PARP10: variants seen among roughly 807,000 people sequenced by gnomAD.
The protein encoded by PARP10 is protein mono-ADP-ribosyltransferase PARP10.
A neutral mutation model predicts 82.4 loss-of-function variants in PARP10; 56 were observed. That is an observed-to-expected ratio of 0.68 (90% CI 0.55 to 0.85). The LOEUF (loss-of-function observed/expected upper bound fraction) is 0.85, where lower values mean the gene tolerates loss of function less well. PARP10 is among the 40% of genes least tolerant of loss of function. The pLI is 0.00. For synonymous variants in PARP10, 576 were observed against 601.1 expected (o/e 0.96, Z 0.61); for missense variants, 1,227 against 1,379.4 (o/e 0.89, Z 1.75).
chr8:143,997,700 G>A (rs1194045057), intron 1 of PARP10, among the ~76,000 whole-genome samples: 2 of 151,948 alleles, frequency 1.3e-5, no homozygotes, highest in Non-Finnish European at 2.9e-5. Context: ...TGGGACCTGA[G>A]ATCCCAACTC....
At chr8:143,993,029 G>A, upstream of PARP10, 1 of 597,006 alleles carries the variant, frequency 1.7e-6, no homozygotes, top group South Asian at 2.0e-5. Flanking sequence ...TGTGGCCACA[G>A]CATGGCCCCT....
intron 1 of PARP10, among the ~76,000 whole-genome samples, chr8:144,003,347 T>C (rs1834215204): frequency 7.1e-6 from 1 of 140,166 alleles, no homozygotes; most frequent in Non-Finnish European, 1.5e-5. Context: ...CGCTTGAGCC[T>C]GGGAGGCGAA....
upstream of PARP10, chr8:143,991,999 C>G: frequency 6.2e-7 from 1 of 1,613,804 alleles, no homozygotes; most frequent in Non-Finnish European, 8.5e-7. Flanking sequence ...GTCTCCTATG[C>G]TGTCTTCTTC....
In PARP10 at chr8:143,984,198, C is replaced by T; in HGVS notation, c.1680+12G>A. The T allele has an allele frequency of 6.2e-7, 1 of 1,607,020 alleles. No individual in the cohort carries two copies. The highest frequency in any genetic ancestry group is 8.5e-7 in the Non-Finnish European group (1 of 1,174,424). On this transcript the variant is annotated intron_variant, in intron 6 of 10. Transcript: ENST00000313028. Reference sequence around the variant, plus strand: ...GAGAAAGGGGAGGGCAGGGGTGGGACTCCATCTCTACCTCTTCAAGGCCTG... The same window carrying T: ...GAGAAAGGGGAGGGCAGGGGTGGGATTCCATCTCTACCTCTTCAAGGCCTG...
Position 144,008,571 on chromosome 8 carries a change from A to C in PARP10, c.-80+3959T>G, listed in dbSNP as rs1225274967. ...CGGGCCGGGAGGAGCGCAAACCCCGAGTGCACCCCAGGAGGTTCCTGTCAC... is the reference window on the plus strand; with the variant it reads ...CGGGCCGGGAGGAGCGCAAACCCCGCGTGCACCCCAGGAGGTTCCTGTCAC... On this transcript the variant is annotated intron_variant, in intron 1 of 3. Coordinates refer to the PARP10 transcript ENST00000530478. The surrounding 1 kb of genome is among the most constrained non-coding windows in gnomAD (Gnocchi z 4.0). 6.6e-6 allele frequency among the ~76,000 whole-genome samples: 1 copy of C among 152,130 alleles called. No homozygotes were observed. The highest frequency in any genetic ancestry group is 1.5e-5 in the Non-Finnish European group (1 of 68,018).
At chr8:143,992,140 T>C (rs1554750625), upstream of PARP10, 1 of 1,603,182 alleles carries the variant, frequency 6.2e-7, no homozygotes. Flanking sequence ...ACGCCCACTC[T>C]TCCGGGCCTG....
rs781927960 is a variant in PARP10, at chr8:143,985,855, G to A, written c.302C>T (p.Thr101Met). ...LLLQGLPPGTTPQRLEQHVQA... is the reference protein window; with the variant it reads ...LLLQGLPPGTMPQRLEQHVQA... The stretch of plus-strand genomic sequence containing the variant: ...GACATGCTGCTCCAAGCGCTGGGGC[G>A]TGGTGCCAGGGGGCAGTCCTTGGAG... The change falls in exon 3 of 11, where the codon ACG becomes ATG. Residue 101 changes from threonine (T) to methionine (M), a missense_variant. Thr to Met is a moderately conservative substitution (Grantham distance 81). Transcript: ENST00000313028. 46 of 1,609,234 alleles carry A rather than the reference G, an allele frequency of 2.9e-5. No homozygotes were observed. The highest frequency in any genetic ancestry group is 9.3e-5 in the African/African-American group (7 of 74,914).
Position 143,984,123 on chromosome 8 carries a change from A to G in PARP10, c.1681-19T>C, listed in dbSNP as rs1833928703. 1.3e-6 allele frequency: 2 copies of G among 1,558,460 alleles called. No individual in the cohort carries two copies. The highest frequency in any genetic ancestry group is 1.7e-6 in the Non-Finnish European group (2 of 1,150,560). On this transcript the variant is annotated intron_variant, in intron 6 of 10. Transcript: ENST00000313028. ...GGTCCACCTGTAGGGAGAGGATGTC[A>G]GGACCACTAGCCTCTGGGCAAGGGC... is the stretch of plus-strand genomic sequence containing the variant.
upstream of PARP10, chr8:143,992,267 C>A: frequency 6.2e-7 from 1 of 1,600,748 alleles, no homozygotes; most frequent in Non-Finnish European, 8.5e-7. Context: ...GCCAGCCTGT[C>A]GTACATGGTG....
upstream of PARP10, chr8:143,991,345 C>T: frequency 7.4e-7 from 1 of 1,357,286 alleles, no homozygotes; most frequent in Non-Finnish European, 1.0e-6. Flanking sequence ...CCTGGGGCCC[C>T]TTACCCACAG....
chr8:144,010,885 A>T (rs1426404156), intron 1 of PARP10, among the ~76,000 whole-genome samples: 4 of 152,064 alleles, frequency 2.6e-5, no homozygotes, highest in Non-Finnish European at 4.4e-5. Flanking sequence ...ACCTTGCCTC[A>T]AAAAAATAAA....
rs1833903197 is a variant in PARP10, at chr8:143,983,209, C to G, written c.2380G>C (p.Asp794His). 1 of 1,613,796 alleles carries G rather than the reference C, an allele frequency of 6.2e-7. No individual in the cohort carries two copies. Among genetic ancestry groups the G allele is most frequent in the African/African-American group, 1.3e-5 (1 of 75,080 alleles). ...HLVALLAGPW[D>H]QSLAFPLAAS... ...GCCAAGGGAAAGGCCAAACTCTGAT[C>G]CCAGGGGCCAGCCAGAAGTGCCACC... Residue 794 changes from aspartate to histidine, a missense_variant, in exon 8 of 11, where the codon GAT (aspartate) becomes CAT (histidine). Transcript: ENST00000313028.
Position 143,983,461 on chromosome 8 carries a change from C to T in PARP10, c.2128G>A (p.Val710Met). 1 of 1,606,792 alleles carries T rather than the reference C, an allele frequency of 6.2e-7. No homozygotes were observed. Among genetic ancestry groups the T allele is most frequent in the Non-Finnish European group, 8.5e-7 (1 of 1,178,982 alleles). Residue 710 changes from valine (V) to methionine (M), a missense_variant, in exon 8 of 11, where the codon GTG becomes ATG. Transcript: ENST00000313028. ...TCCTGCTCAAAGGCCGAGTGCACCA[C>T]CAGCTGGGCCTTGCCATCAGTCCCC... is the stretch of plus-strand genomic sequence containing the variant. Reference protein sequence around the residue: ...DGGTDGKAQLVVHSAFEQDVE... With the variant: ...DGGTDGKAQLMVHSAFEQDVE...
In PARP10 at chr8:143,977,496, G is replaced by A. The variant is rs1554746443; in HGVS notation, c.3066C>T (p.Ser1022=). 1.3e-6 allele frequency: 2 copies of A among 1,549,744 alleles called. No homozygotes were observed. The change falls in exon 11 of 11, where the codon TCC becomes TCT. Residue 1022 remains serine, a synonymous_variant. Transcript: ENST00000313028. Reference sequence around the variant, plus strand: ...GTGGCCCCTTCGGTTAAGTGTCTGGGGAGCGGCCCGGGAGCCCAGAGGGGT... The same window carrying A: ...GTGGCCCCTTCGGTTAAGTGTCTGGAGAGCGGCCCGGGAGCCCAGAGGGGT... The part of the protein sequence containing the change: ...PDDPSGLPGR[S]PDT
rs1833926291 is a variant in PARP10 at position 143,984,011 on chromosome 8, G to A, written c.1774C>T (p.Leu592=). Residue 592 remains leucine (L), a synonymous_variant, in exon 7 of 11, where the codon CTG becomes TTG. Coordinates refer to ENST00000313028, the MANE Select transcript of PARP10 (RefSeq NM_032789.5). ...STGGDQEDVS[L]EEVRELLATL... ...GAGGGCTCCCAGGGAGCCCTACCCA[G>A]GCTCACGTCCTCCTGGTCACCACCT... 1.3e-6 allele frequency: 2 copies of A among 1,516,204 alleles called. No individual in the cohort carries two copies. The highest frequency in any genetic ancestry group is 2.8e-5 in the African/African-American group (2 of 71,712). 93.9% of individuals were successfully genotyped at this position (1,516,204 alleles called of 1,614,324 possible).
chr8:143,977,811 G>A lies in PARP10; in HGVS notation c.2751C>T (p.Gly917=), dbSNP rs1833734540. The A allele has an allele frequency of 1.2e-6, 2 of 1,600,924 alleles. No individual in the cohort carries two copies. Among genetic ancestry groups the A allele is most frequent in the Non-Finnish European group, 1.7e-6 (2 of 1,174,300 alleles). Residue 917 remains glycine (G), a synonymous_variant, in exon 11 of 11, where the codon GGC becomes GGT. Transcript: ENST00000313028. The part of the protein sequence containing the change: ...CGRNATVYGK[G]VYFARRASLS... The stretch of plus-strand genomic sequence containing the variant: ...GGGAGGCGCGCCTGGCGAAATACAC[G>A]CCCTTCCCGTAGACCGTGGCTGCAG...
At chr8:143,994,436 C>T (rs568387019), upstream of PARP10, among the ~76,000 whole-genome samples, 2 of 152,300 alleles carry the variant, frequency 1.3e-5, no homozygotes, top group South Asian at 4.2e-4. Flanking sequence ...CAATCACATC[C>T]GTTGCACTAC....
At chr8:143,981,289 C>T (rs1342520343) in intron 9 of PARP10, among the ~76,000 whole-genome samples, 3 of 150,244 alleles carry the variant, frequency 2.0e-5, no homozygotes, top group Admixed American at 1.3e-4. Flanking sequence ...ATGATGGTGG[C>T]CACGGTGGTG....
upstream of PARP10, chr8:143,992,688 C>G (rs782642122): frequency 3.7e-6 from 6 of 1,613,930 alleles, no homozygotes; most frequent in African/African-American, 2.7e-5. Context: ...GCTGTCACCT[C>G]CAGTTCCTCG....
Sources: gnomAD v4.1 joint callset for allele counts (sites outside exome capture counted in the v4.1 genomes callset) on GRCh38, gnomAD v4.1.1 for gene constraint, Gnocchi (gnomAD v3.1) non-coding constraint, MANE v1.5 for transcripts, NCBI Gene and HGNC (gene_info 2026-07-23, HGNC 2026-07-21) for gene names.